The following AKR1C8 variants were observed in gnomAD, a reference collection of about 807,000 sequenced individuals.
AKR1C8 encodes the protein aldo-keto reductase family 1 member C-like protein 1.
the AKR1C8 span, chr10:5,161,978 G>C: frequency 5.8e-6 from 3 of 513,334 alleles, no homozygotes; most frequent in South Asian, 2.9e-5. Context: ...CAAAGCTGCA[G>C]TGACCAAAAG....
chr10:5,153,165 T>C, the AKR1C8 span, among the ~76,000 whole-genome samples: 1 of 152,208 alleles, frequency 6.6e-6, no homozygotes, highest in Non-Finnish European at 1.5e-5. Context: ...TTATTTTGTT[T>C]AATTTTTGCC....
chr10:5,119,665 T>C, the AKR1C8 span, among the ~76,000 whole-genome samples: 2 of 152,148 alleles, frequency 1.3e-5, no homozygotes, highest in African/African-American at 4.8e-5. Flanking sequence ...ACAGAAACTA[T>C]AGACTCTGCT....
chr10:5,177,342 T>C, the AKR1C8 span, among the ~76,000 whole-genome samples: 1 of 152,082 alleles, frequency 6.6e-6, no homozygotes, highest in South Asian at 2.1e-4. Flanking sequence ...TTGATCATGG[T>C]GGGATAAGCT....
At chr10:5,134,331 T>G in the AKR1C8 span, among the ~76,000 whole-genome samples, 1 of 152,196 alleles carries the variant, frequency 6.6e-6, no homozygotes, top group Non-Finnish European at 1.5e-5. Context: ...ATTCTTACAA[T>G]GTACAGTTGA....
At chr10:5,125,037 C>T in the AKR1C8 span, among the ~76,000 whole-genome samples, 1 of 134,436 alleles carries the variant, frequency 7.4e-6, no homozygotes, top group African/African-American at 2.8e-5. Flanking sequence ...ATGAAAATCA[C>T]AATTGGATTT....
chr10:5,176,190 A>C, the AKR1C8 span, among the ~76,000 whole-genome samples: 1 of 148,940 alleles, frequency 6.7e-6, no homozygotes, highest in Non-Finnish European at 1.5e-5. Context: ...TCAGCTTTCT[A>C]CATATGGCTA....
At chr10:5,143,463 G>T in the AKR1C8 span, among the ~76,000 whole-genome samples, 1 of 152,044 alleles carries the variant, frequency 6.6e-6, no homozygotes, top group Non-Finnish European at 1.5e-5. Context: ...CTGATTTCAG[G>T]CCTTCACAGT....
At chr10:5,165,134 G>A in the AKR1C8 span, among the ~76,000 whole-genome samples, 4 of 152,206 alleles carry the variant, frequency 2.6e-5, no homozygotes, top group South Asian at 8.3e-4. Context: ...AGACATTCAT[G>A]ACACTGTATA....
At chr10:5,165,920 T>C in the AKR1C8 span, among the ~76,000 whole-genome samples, 2 of 152,054 alleles carry the variant, frequency 1.3e-5, no homozygotes, top group African/African-American at 2.4e-5. Flanking sequence ...TCCTAACGAC[T>C]AACTTGTTCA....
the AKR1C8 span, among the ~76,000 whole-genome samples, chr10:5,180,304 C>T: frequency 6.6e-6 from 1 of 152,168 alleles, no homozygotes; most frequent in African/African-American, 2.4e-5. Flanking sequence ...TCATGAACTG[C>T]GAATGCTGCT....
At chr10:5,150,696 C>T in the AKR1C8 span, among the ~76,000 whole-genome samples, 3 of 151,870 alleles carry the variant, frequency 2.0e-5, no homozygotes, top group Non-Finnish European at 2.9e-5. Context: ...AATAAAGTCA[C>T]AGATCACTGT....
the AKR1C8 span, among the ~76,000 whole-genome samples, chr10:5,167,492 G>A: frequency 6.6e-6 from 1 of 152,174 alleles, no homozygotes; most frequent in South Asian, 2.1e-4. Flanking sequence ...TAGGGACATG[G>A]ATGAAGCTGG....
chr10:5,145,193 A>G, the AKR1C8 span, among the ~76,000 whole-genome samples: 1 of 152,188 alleles, frequency 6.6e-6, no homozygotes, highest in South Asian at 2.1e-4. Context: ...GCATATATCA[A>G]TTCAAGATGG....
At chr10:5,161,238 CA>C in the AKR1C8 span, among the ~76,000 whole-genome samples, 1 of 152,134 alleles carries the variant, frequency 6.6e-6, no homozygotes, top group South Asian at 2.1e-4. Flanking sequence ...TTTTGTTTCC[CA>C]AGGACAAGCT....
At chr10:5,159,395 G>A in the AKR1C8 span, among the ~76,000 whole-genome samples, 14 of 152,210 alleles carry the variant, frequency 9.2e-5, no homozygotes, top group South Asian at 2.1e-4. Context: ...TCATAAAACC[G>A]AAACTTTCAC....
chr10:5,158,586 G>T, the AKR1C8 span: 2 of 463,228 alleles, frequency 4.3e-6, no homozygotes, highest in South Asian at 3.2e-5. Flanking sequence ...TTAACTCTTT[G>T]ACATTCTTAT....
the AKR1C8 span, chr10:5,163,016 G>A: frequency 1.9e-6 from 1 of 533,900 alleles, no homozygotes; most frequent in South Asian, 1.4e-5. Flanking sequence ...CTGGCTTTTG[G>A]GAGTCTATAA....
At chr10:5,184,901 G>C in the AKR1C8 span, 1 of 382,056 alleles carries the variant, frequency 2.6e-6, no homozygotes, top group Admixed American at 3.1e-5. Flanking sequence ...TGAAATCCCA[G>C]ATGAGCCCTT....
chr10:5,175,244 C>T, the AKR1C8 span, among the ~76,000 whole-genome samples: 14 of 150,954 alleles, frequency 9.3e-5, no homozygotes, highest in South Asian at 4.2e-4. Flanking sequence ...TTTGTCCTTG[C>T]GATAGTTTAC....
Sources: allele counts gnomAD v4.1 joint callset (sites outside exome capture counted in the v4.1 genomes callset), GRCh38; gene constraint gnomAD v4.1.1; transcripts MANE v1.5; gene names NCBI Gene and HGNC (gene_info 2026-07-23, HGNC 2026-07-21).